ERG: variants seen among roughly 807,000 people sequenced by gnomAD.
ERG encodes transcriptional regulator ERG.
ERG carries 9 observed loss-of-function variants against 55.3 expected under a neutral mutation model. The observed-to-expected ratio is 0.16, with a 90% CI of 0.10 to 0.28. The LOEUF (loss-of-function observed/expected upper bound fraction) is 0.28, where lower values mean the gene tolerates loss of function less well. Among genes scored for constraint, ERG ranks in the 10% least tolerant of loss-of-function variants. ERG has a pLI of 1.00. For missense variants in ERG, 434 were observed against 631.6 expected, an observed-to-expected ratio of 0.69 and a Z score of 3.35; for synonymous variants, 223 against 237.3, an observed-to-expected ratio of 0.94 and a Z score of 0.55.
chr21:38,483,219 G>C (rs977998221), intron 1 of ERG, among the ~76,000 whole-genome samples: 4 of 152,116 alleles, frequency 2.6e-5, no homozygotes, highest in Non-Finnish European at 5.9e-5. Context: ...TACACCATAA[G>C]GGATATGCTT....
chr21:38,384,804 A>T (rs1403348821), intron 9 of ERG, among the ~76,000 whole-genome samples: 1 of 151,966 alleles, frequency 6.6e-6, no homozygotes, highest in African/African-American at 2.4e-5. Context: ...CCTAGAACAG[A>T]ATTAACCCAC....
At position 38,380,781 on chromosome 21, in the gene ERG, A is replaced by G. The variant is rs1987393508; in HGVS notation, c.*2622T>C. ...GGTGGAGGGTTGAGGGATCTAATGG[A>G]AAACATCTGTTAAAATTGAATATGA... On this transcript the variant is annotated 3_prime_UTR_variant, in exon 10 of 10. Coordinates refer to ENST00000288319, the MANE Select transcript of ERG (RefSeq NM_182918.4). 9.4e-7 allele frequency: 1 copy of G among 1,059,570 alleles called. No homozygotes were observed. Among genetic ancestry groups the G allele is most frequent in the Non-Finnish European group, 1.1e-6 (1 of 878,336 alleles). 65.6% of individuals were successfully genotyped at this position (1,059,570 alleles called of 1,614,324 possible). A position where few individuals can be genotyped will look rare whatever the true frequency, so the allele number is the denominator to read the frequency against.
chr21:38,380,409 C>A lies in ERG; in HGVS notation c.*2994G>T. The A allele has an allele frequency of 9.4e-7, 1 of 1,062,702 alleles. No homozygotes were observed. The highest frequency in any genetic ancestry group is 1.1e-6 in the Non-Finnish European group (1 of 877,732). The allele number at this position is 1,062,702 out of a possible 1,614,324, so 65.8% of individuals were successfully genotyped here. A position where few individuals can be genotyped will look rare whatever the true frequency, so the allele number is the denominator to read the frequency against. ...GGACATAAGGGCATCAAACTAGGAA[C>A]AAAAACACAGTCTTGACTGTGATTT... On this transcript the variant is annotated 3_prime_UTR_variant, in exon 10 of 10. Transcript: ENST00000288319.
At chr21:38,469,853 T>A (rs900535695) in intron 1 of ERG, among the ~76,000 whole-genome samples, 2 of 152,232 alleles carry the variant, frequency 1.3e-5, no homozygotes, top group Non-Finnish European at 2.9e-5. Flanking sequence ...CTCATTCAGT[T>A]GTAACATGAT....
chr21:38,428,529 G>T (rs1000503296), intron 2 of ERG, among the ~76,000 whole-genome samples: 1 of 152,236 alleles, frequency 6.6e-6, no homozygotes, highest in Non-Finnish European at 1.5e-5. Context: ...AGTATGCTGT[G>T]CAGGGAATGA....
chr21:38,449,213 T>C (rs2146565531), intron 1 of ERG: 1 of 152,366 alleles, frequency 6.6e-6, no homozygotes, highest in Non-Finnish European at 1.5e-5. Context: ...TATGTTACTA[T>C]AAAAAGACCT....
intron 1 of ERG, among the ~76,000 whole-genome samples, chr21:38,658,528 C>CT (rs2060533092): frequency 6.6e-6 from 1 of 152,082 alleles, no homozygotes; most frequent in African/African-American, 2.4e-5. Context: ...TAAATTCCCC[C>CT]TTTTATTTCT....
intron 1 of ERG, among the ~76,000 whole-genome samples, chr21:38,605,460 T>A (rs2060191049): frequency 2.0e-5 from 3 of 151,912 alleles, no homozygotes; most frequent in African/African-American, 7.3e-5. Flanking sequence ...ACCACCAACA[T>A]CCACCCTGCC....
intron 2 of ERG, among the ~76,000 whole-genome samples, chr21:38,510,369 C>T (rs1388863560): frequency 2.6e-5 from 4 of 152,182 alleles, no homozygotes; most frequent in Admixed American, 1.3e-4. Flanking sequence ...GCGTCTCACA[C>T]GTCACTCTCT....
intron 1 of ERG, among the ~76,000 whole-genome samples, chr21:38,607,602 G>A (rs527845214): frequency 2.8e-4 from 42 of 152,044 alleles, no homozygotes; most frequent in African/African-American, 9.9e-4. Flanking sequence ...CTGCACCACT[G>A]CACTCCAGCC....
chr21:38,605,716 C>A (rs1253478154), intron 1 of ERG, among the ~76,000 whole-genome samples: 1 of 152,182 alleles, frequency 6.6e-6, no homozygotes, highest in African/African-American at 2.4e-5. Context: ...AGACTGGAAC[C>A]TTTCCTAGCA....
downstream of ERG, among the ~76,000 whole-genome samples, chr21:38,376,297 T>C (rs1393793750): frequency 6.6e-6 from 1 of 152,320 alleles, no homozygotes; most frequent in African/African-American, 2.4e-5. Flanking sequence ...TTGTCGGATG[T>C]GAATCTGGGC....
chr21:38,437,281 T>C (rs1040822612), intron 2 of ERG, among the ~76,000 whole-genome samples: 1 of 151,848 alleles, frequency 6.6e-6, no homozygotes, highest in African/African-American at 2.4e-5. Context: ...TCCTGCAGCA[T>C]TTGTCAACTT....
At chr21:38,442,902 G>A (rs1397524824) in intron 2 of ERG, among the ~76,000 whole-genome samples, 1 of 152,132 alleles carries the variant, frequency 6.6e-6, no homozygotes, top group East Asian at 1.9e-4. Context: ...CCGCCTCCCG[G>A]GTTCATGCCA....
chr21:38,599,373 G>A (rs1047156449), intron 1 of ERG, among the ~76,000 whole-genome samples: 1 of 152,150 alleles, frequency 6.6e-6, no homozygotes, highest in African/African-American at 2.4e-5. Flanking sequence ...GAGAGCTGTG[G>A]GGCAATGTCA....
intron 2 of ERG, among the ~76,000 whole-genome samples, chr21:38,574,670 A>G (rs888247851): frequency 6.6e-6 from 1 of 152,244 alleles, no homozygotes; most frequent in Admixed American, 6.5e-5. Flanking sequence ...TATTTTATTC[A>G]AAAAGGTACA....
rs545433914 is a variant in ERG at position 38,382,484 on chromosome 21, A to G, written c.*919T>C. 891 of 1,064,354 alleles carry G rather than the reference A, an allele frequency of 8.4e-4. 4 individuals are homozygous for G. In the African/African-American group the frequency reaches 0.012, roughly 14 times the overall value. 65.9% of individuals were successfully genotyped at this position (1,064,354 alleles called of 1,614,324 possible). ...TTGACAAACAAAGAAAGAGATGCGC[A>G]TTTTTGTTTCTGAATTCTACTACTT... On this transcript the variant is annotated 3_prime_UTR_variant, in exon 10 of 10. Transcript: ENST00000288319.
chr21:38,534,481 A>G (rs2059695088), intron 2 of ERG, among the ~76,000 whole-genome samples: 1 of 152,174 alleles, frequency 6.6e-6, no homozygotes, highest in African/African-American at 2.4e-5. Flanking sequence ...GTGACACTCA[A>G]TAGCTTCATT....
At chr21:38,485,701 G>A (rs1486621770) in intron 1 of ERG, among the ~76,000 whole-genome samples, 3 of 151,394 alleles carry the variant, frequency 2.0e-5, no homozygotes, top group Admixed American at 6.6e-5. Context: ...CTCGTGATCC[G>A]CCCACCTCGG....
Sources: allele counts gnomAD v4.1 joint callset (sites outside exome capture counted in the v4.1 genomes callset), GRCh38; gene constraint gnomAD v4.1.1; transcripts MANE v1.5; gene names NCBI Gene and HGNC (gene_info 2026-07-23, HGNC 2026-07-21).